Variants in SENP7 observed in about 807,000 individuals in gnomAD.
SENP7 encodes the protein sentrin-specific protease 7.
In SENP7, 64 loss-of-function variants were observed where a neutral mutation model predicts 141.2. The ratio of observed to expected loss-of-function variants is 0.45; its 90% confidence interval spans 0.37 to 0.56. The LOEUF (loss-of-function observed/expected upper bound fraction) is 0.56, where lower values mean the gene tolerates loss of function less well. Among genes scored for constraint, SENP7 ranks in the 20% least tolerant of loss-of-function variants. SENP7 has a pLI of 0.00. For synonymous variants in SENP7, 382 were observed against 426.4 expected (o/e 0.90, Z 1.28); for missense variants, 1,025 against 1,212.2 (o/e 0.85, Z 2.29).
chr3:101,479,261 T>C (rs1352484821), intron 3 of SENP7, among the ~76,000 whole-genome samples: 2 of 152,118 alleles, frequency 1.3e-5, no homozygotes, highest in Non-Finnish European at 2.9e-5. Context: ...AGTAAAATTA[T>C]CCCTCTTTGC....
chr3:101,464,012 G>T (rs1323444526), intron 3 of SENP7, among the ~76,000 whole-genome samples: 1 of 151,902 alleles, frequency 6.6e-6, no homozygotes, highest in East Asian at 1.9e-4. Context: ...TTTTAGTAGA[G>T]ACTGGGTTTC....
At chr3:101,497,831 C>T (rs2065220098) in intron 2 of SENP7, among the ~76,000 whole-genome samples, 1 of 152,220 alleles carries the variant, frequency 6.6e-6, no homozygotes, top group South Asian at 2.1e-4. Flanking sequence ...GAGACAGTGT[C>T]TCACTCTGTT....
intron 4 of SENP7, among the ~76,000 whole-genome samples, chr3:101,422,526 A>G (rs994839899): frequency 6.6e-6 from 1 of 152,202 alleles, no homozygotes; most frequent in African/African-American, 2.4e-5. Flanking sequence ...AAGGCAGCTA[A>G]ACAGAGAACT....
At chr3:101,369,486 G>A (rs1013340944) in intron 7 of SENP7, among the ~76,000 whole-genome samples, 9 of 152,042 alleles carry the variant, frequency 5.9e-5, no homozygotes, top group African/African-American at 1.7e-4. Flanking sequence ...ATAGTCAATC[G>A]CCTTTCAATT....
chr3:101,511,479 T>C (rs963390067), intron 1 of SENP7, among the ~76,000 whole-genome samples: 2 of 152,200 alleles, frequency 1.3e-5, no homozygotes, highest in African/African-American at 4.8e-5. Flanking sequence ...ATTGTGCGTT[T>C]TCCTAATGTG....
intron 10 of SENP7, 57 bp downstream of exon 10, chr3:101,364,768 AATAACAGTC>A: frequency 1.7e-6 from 2 of 1,147,102 alleles, no homozygotes; most frequent in Non-Finnish European, 2.4e-6. Context: ...TGATAAAACA[AATAACAGTC>A]ATTAACCAAT....
intron 3 of SENP7, among the ~76,000 whole-genome samples, chr3:101,487,619 T>C (rs2108072244): frequency 6.6e-6 from 1 of 152,344 alleles, no homozygotes. Context: ...CTTTAATCCA[T>C]CTTGAGTTAA....
chr3:101,342,638 T>C (rs1311613959), intron 14 of SENP7, among the ~76,000 whole-genome samples: 1 of 152,068 alleles, frequency 6.6e-6, no homozygotes. Context: ...GATCCTACAA[T>C]TCCTTAGTCT....
chr3:101,511,411 A>C (rs993718452), intron 1 of SENP7, among the ~76,000 whole-genome samples: 3 of 152,204 alleles, frequency 2.0e-5, no homozygotes, highest in African/African-American at 7.2e-5. Flanking sequence ...TCTCAAAGGA[A>C]GATATGATCA....
intron 4 of SENP7, among the ~76,000 whole-genome samples, chr3:101,452,968 T>G (rs1020295324): frequency 6.6e-6 from 1 of 152,216 alleles, no homozygotes; most frequent in Non-Finnish European, 1.5e-5. Context: ...CCTACTCATC[T>G]GACAGAGGGC....
At chr3:101,486,086 CAG>C (rs938278069) in intron 3 of SENP7, among the ~76,000 whole-genome samples, 2 of 152,118 alleles carry the variant, frequency 1.3e-5, no homozygotes, top group African/African-American at 2.4e-5. Context: ...AAAATATGAA[CAG>C]AGTCTCCAAG....
intron 5 of SENP7, among the ~76,000 whole-genome samples, chr3:101,406,287 C>A (rs1435348722): frequency 6.6e-6 from 1 of 152,134 alleles, no homozygotes; most frequent in Non-Finnish European, 1.5e-5. Context: ...TTTGTAGGCA[C>A]ACGGATGAAG....
intron 3 of SENP7, among the ~76,000 whole-genome samples, chr3:101,463,756 T>C (rs754216870): frequency 3.3e-5 from 5 of 152,008 alleles, no homozygotes; most frequent in Non-Finnish European, 5.9e-5. Context: ...AGCAGCCAAG[T>C]AGAAGAAGAC....
chr3:101,416,467 T>A (rs1434216628), intron 5 of SENP7, among the ~76,000 whole-genome samples: 2 of 152,184 alleles, frequency 1.3e-5, no homozygotes, highest in African/African-American at 4.8e-5. Context: ...TTCCTTTAAG[T>A]AGCCCTTTTA....
chr3:101,457,817 A>G (rs1039304083), intron 4 of SENP7: 4 of 582,102 alleles, frequency 6.9e-6, no homozygotes, highest in Non-Finnish European at 1.2e-5. Flanking sequence ...AGGCGCACAC[A>G]TGCGGAGATG....
chr3:101,398,565 AT>A (rs2061040161), intron 6 of SENP7, among the ~76,000 whole-genome samples: 1 of 152,210 alleles, frequency 6.6e-6, no homozygotes, highest in Non-Finnish European at 1.5e-5. Context: ...TGTCAGAGGA[AT>A]GGATTTCAAT....
At chr3:101,508,536 T>G (rs2065721512) in intron 1 of SENP7, among the ~76,000 whole-genome samples, 1 of 152,062 alleles carries the variant, frequency 6.6e-6, no homozygotes, top group Non-Finnish European at 1.5e-5. Flanking sequence ...GAGGCGGAGC[T>G]TGCAGTGAGC....
chr3:101,438,270 T>C (rs2062466662), intron 4 of SENP7, among the ~76,000 whole-genome samples: 1 of 152,236 alleles, frequency 6.6e-6, no homozygotes, highest in African/African-American at 2.4e-5. Flanking sequence ...GAAGAAAATC[T>C]GGCATATTCT....
intron 4 of SENP7, among the ~76,000 whole-genome samples, chr3:101,447,900 T>C (rs1450163058): frequency 1.3e-5 from 2 of 152,186 alleles, no homozygotes; most frequent in Admixed American, 6.6e-5. Flanking sequence ...ATCAACAGAA[T>C]AGAATTGAGA....
Sources: gnomAD v4.1 joint callset for allele counts (sites outside exome capture counted in the v4.1 genomes callset) on GRCh38, gnomAD v4.1.1 for gene constraint, MANE v1.5 for transcripts, NCBI Gene and HGNC (gene_info 2026-07-23, HGNC 2026-07-21) for gene names.